The following NPAS3 variants were observed in gnomAD, a reference collection of about 807,000 sequenced individuals.
The protein encoded by NPAS3 is neuronal PAS domain-containing protein 3.
A neutral mutation model predicts 73.1 loss-of-function variants in NPAS3; 14 were observed. The ratio of observed to expected loss-of-function variants is 0.19; its 90% CI spans 0.13 to 0.30. NPAS3 has a LOEUF of 0.30. NPAS3 is among the 10% of genes least tolerant of loss of function. The probability of loss-of-function intolerance (pLI) is 1.00; values close to 1 mark genes in which losing one functional copy is unlikely to be tolerated. For synonymous variants in NPAS3, 620 were observed against 541.5 expected, an observed-to-expected ratio of 1.14 and a Z score of -2.01; for missense variants, 1,096 against 1,250.0, an observed-to-expected ratio of 0.88 and a Z score of 1.86.
At chr14:33,666,567 G>A (rs1281246992) in intron 5 of NPAS3, among the ~76,000 whole-genome samples, 5 of 152,204 alleles carry the variant, frequency 3.3e-5, no homozygotes, top group Non-Finnish European at 7.3e-5. Context: ...AAATCCTAAA[G>A]GATCTGGAGA....
At chr14:33,722,136 A>G (rs1316101490) in intron 6 of NPAS3, among the ~76,000 whole-genome samples, 1 of 152,220 alleles carries the variant, frequency 6.6e-6, no homozygotes, top group African/African-American at 2.4e-5. Flanking sequence ...TACCATTTAG[A>G]CCCAGAAGCC....
At chr14:32,940,105 T>A (rs1396508754) in intron 1 of NPAS3, among the ~76,000 whole-genome samples, 3 of 152,188 alleles carry the variant, frequency 2.0e-5, no homozygotes, top group Middle Eastern at 3.2e-3. Flanking sequence ...CAAATCCAAA[T>A]AAGCAAACAA....
At chr14:33,551,607 A>G (rs1192491224) in intron 4 of NPAS3, among the ~76,000 whole-genome samples, 1 of 152,226 alleles carries the variant, frequency 6.6e-6, no homozygotes, top group Non-Finnish European at 1.5e-5. Context: ...AAGGGGGAAA[A>G]AGCTAACATG....
chr14:33,165,614 A>G (rs1017060412), intron 2 of NPAS3, among the ~76,000 whole-genome samples: 3 of 152,154 alleles, frequency 2.0e-5, no homozygotes, highest in African/African-American at 7.2e-5. Context: ...TTATTGTTGA[A>G]AGAAGGAAAA....
At chr14:32,996,905 G>A (rs1279201) in intron 1 of NPAS3, among the ~76,000 whole-genome samples, 3 of 151,860 alleles carry the variant, frequency 2.0e-5, no homozygotes, top group Admixed American at 1.3e-4. Flanking sequence ...TCCTCCAGAC[G>A]CCGGAATGGT....
intron 3 of NPAS3, among the ~76,000 whole-genome samples, chr14:33,246,182 C>T (rs2139856889): frequency 6.6e-6 from 1 of 152,230 alleles, no homozygotes; most frequent in South Asian, 2.1e-4. Context: ...CTCATAAGGT[C>T]ATGGTGCAGA....
intron 2 of NPAS3, among the ~76,000 whole-genome samples, chr14:33,159,552 G>GTTTT (rs2044773581): frequency 1.6e-5 from 2 of 126,090 alleles, no homozygotes; most frequent in Non-Finnish European, 3.4e-5. Context: ...ATTATAATGA[G>GTTTT]CTTTTTTTTT....
At chr14:33,280,613 T>C (rs1190737526) in intron 3 of NPAS3, among the ~76,000 whole-genome samples, 1 of 152,184 alleles carries the variant, frequency 6.6e-6, no homozygotes, top group Non-Finnish European at 1.5e-5. Flanking sequence ...TTATATAACA[T>C]AGATGGAAAC....
chr14:33,284,408 C>A (rs2041774314), intron 3 of NPAS3, among the ~76,000 whole-genome samples: 1 of 151,822 alleles, frequency 6.6e-6, no homozygotes, highest in East Asian at 1.9e-4. Context: ...TAGAAGCAAC[C>A]CCAGAAATGC....
At chr14:33,517,750 C>T (rs11628960) in intron 4 of NPAS3, among the ~76,000 whole-genome samples, 45,151 of 151,988 alleles carry the variant, frequency 0.3, 7,608 homozygotes, top group East Asian at 0.45. Flanking sequence ...CCGTTACATA[C>T]TTACATATTT....
chr14:33,629,234 C>CAAA lies in NPAS3; in HGVS notation c.559-46963_559-46961dup, dbSNP rs372236952. On this transcript the variant is annotated intron_variant, in intron 5 of 11. Coordinates refer to ENST00000356141, the Ensembl canonical transcript of NPAS3. ...TGGGTGACAGAGCGAGACTCCATCT[C>CAAA]AAAAAAAAAAAAAAAAGAAAACCAG... Among the ~76,000 whole-genome samples the CAAA allele has an allele frequency of 3.8e-4, 31 of 81,062 alleles. No homozygotes were observed. In the East Asian group the frequency reaches 5.1e-3, roughly 13 times the overall value. 53.2% of individuals were successfully genotyped at this position (81,062 alleles called of 152,430 possible). A position where few individuals can be genotyped will look rare whatever the true frequency, so the allele number is the denominator to read the frequency against.
intron 3 of NPAS3, among the ~76,000 whole-genome samples, chr14:33,266,146 G>A (rs1299877679): frequency 3.3e-5 from 5 of 152,084 alleles, no homozygotes; most frequent in African/African-American, 4.8e-5. Flanking sequence ...CATTCTTGAA[G>A]CTCACTTTTA....
intron 4 of NPAS3, among the ~76,000 whole-genome samples, chr14:33,381,759 C>T (rs1440686874): frequency 6.6e-6 from 1 of 152,148 alleles, no homozygotes. Flanking sequence ...AGGACATGCG[C>T]TTTTGTTTAA....
intron 3 of NPAS3, among the ~76,000 whole-genome samples, chr14:33,226,724 T>A (rs1306896082): frequency 6.6e-6 from 1 of 152,160 alleles, no homozygotes; most frequent in Non-Finnish European, 1.5e-5. Context: ...CCGTACTAAG[T>A]GCTTGAAAGA....
intron 3 of NPAS3, among the ~76,000 whole-genome samples, chr14:33,272,929 T>G (rs17100490): frequency 0.2 from 30,446 of 152,188 alleles, 3,667 homozygotes; most frequent in Admixed American, 0.39. Flanking sequence ...TAAACTGTTG[T>G]CTTGACTAAT....
intron 2 of NPAS3, among the ~76,000 whole-genome samples, chr14:33,067,842 C>T (rs1344719948): frequency 3.3e-5 from 5 of 152,224 alleles, no homozygotes; most frequent in Admixed American, 6.5e-5. Context: ...CTACCTTGCA[C>T]TTCTTTTGCT....
intron 3 of NPAS3, among the ~76,000 whole-genome samples, chr14:33,330,876 G>T (rs903868699): frequency 6.6e-6 from 1 of 152,300 alleles, no homozygotes; most frequent in African/African-American, 2.4e-5. Context: ...GCCTTAAAGA[G>T]ATGTTTTACT....
chr14:33,658,016 G>A (rs147562632), intron 5 of NPAS3, among the ~76,000 whole-genome samples: 5 of 152,282 alleles, frequency 3.3e-5, no homozygotes, highest in South Asian at 2.1e-4. Context: ...CTCCTTTCCC[G>A]CCTCTCAGCC....
intron 5 of NPAS3, among the ~76,000 whole-genome samples, chr14:33,645,660 A>G (rs1442718690): frequency 1.3e-5 from 2 of 152,192 alleles, no homozygotes; most frequent in Non-Finnish European, 2.9e-5. Flanking sequence ...GTTGCCTTCC[A>G]GCCTGGCAAA....
Sources: gnomAD v4.1 joint callset for allele counts (sites outside exome capture counted in the v4.1 genomes callset) on GRCh38, gnomAD v4.1.1 for gene constraint, MANE v1.5 for transcripts, NCBI Gene and HGNC (gene_info 2026-07-23, HGNC 2026-07-21) for gene names.